Variants in RGS6 observed in about 807,000 individuals in gnomAD.
The protein encoded by RGS6 is regulator of G protein signaling 6.
A neutral mutation model predicts 78.5 loss-of-function variants in RGS6; 30 were observed. That is an observed-to-expected ratio of 0.38 (90% CI 0.29 to 0.52). RGS6 has a LOEUF of 0.52. RGS6 is among the 20% of genes least tolerant of loss of function. RGS6 has a pLI of 0.85. For synonymous variants in RGS6, 206 were observed against 206.0 expected, an observed-to-expected ratio of 1.00 and a Z score of 0.00; for missense variants, 495 against 609.7, an observed-to-expected ratio of 0.81 and a Z score of 1.98.
At chr14:71,976,361 C>T (rs993752203) in intron 2 of RGS6, among the ~76,000 whole-genome samples, 2 of 151,012 alleles carry the variant, frequency 1.3e-5, no homozygotes, top group African/African-American at 4.9e-5. Flanking sequence ...GCTGCACCCA[C>T]TAACTCGTCA....
chr14:72,409,722 C>T (rs531357991), intron 3 of RGS6, among the ~76,000 whole-genome samples: 6 of 152,180 alleles, frequency 3.9e-5, no homozygotes, highest in South Asian at 2.1e-4. Flanking sequence ...TCTCCCCCAA[C>T]CCCACAACAG....
At chr14:72,570,397 G>A (rs1476381942), downstream of RGS6, among the ~76,000 whole-genome samples, 4 of 152,144 alleles carry the variant, frequency 2.6e-5, no homozygotes, top group African/African-American at 9.7e-5. Context: ...AGGAAACAAA[G>A]GGAAGTAATG....
At chr14:72,263,931 G>A (rs920542267) in intron 2 of RGS6, among the ~76,000 whole-genome samples, 2 of 152,188 alleles carry the variant, frequency 1.3e-5, no homozygotes, top group African/African-American at 4.8e-5. Context: ...GGTCAAGTGT[G>A]TTCTGGAACT....
intron 2 of RGS6, among the ~76,000 whole-genome samples, chr14:72,297,883 A>G (rs923554385): frequency 2.2e-4 from 33 of 152,056 alleles, no homozygotes; most frequent in Non-Finnish European, 4.3e-4. Flanking sequence ...GCTATTTTAA[A>G]TAGTATTTTA....
In RGS6 at chr14:72,549,660, A is replaced by G. The variant is rs559615027; in HGVS notation, c.1422+9566A>G. Among the ~76,000 whole-genome samples the G allele has an allele frequency of 5.1e-4, 78 of 152,268 alleles. 1 individual carries two copies. Among genetic ancestry groups the G allele is most frequent in the African/African-American group, 7.0e-4 (29 of 41,534 alleles). On this transcript the variant is annotated intron_variant, in intron 17 of 17. Transcript: ENST00000553525. ...GCAGATCACCTGAGGTCAGGCGTTC[A>G]AGACCAGCCTGGTCAACGTGGTGAA...
intron 2 of RGS6, among the ~76,000 whole-genome samples, chr14:72,174,502 G>A (rs925510998): frequency 1.3e-5 from 2 of 152,208 alleles, no homozygotes; most frequent in African/African-American, 4.8e-5. Context: ...AGCTTGACAA[G>A]AGGGTATCAG....
intron 17 of RGS6, among the ~76,000 whole-genome samples, chr14:72,542,960 G>A (rs774587381): frequency 2.0e-5 from 3 of 152,158 alleles, no homozygotes; most frequent in Non-Finnish European, 2.9e-5. Flanking sequence ...AAGGGGCCTG[G>A]TACTCCCCAG....
At chr14:72,237,407 A>G (rs778303606) in intron 2 of RGS6, among the ~76,000 whole-genome samples, 2 of 152,144 alleles carry the variant, frequency 1.3e-5, no homozygotes, top group Non-Finnish European at 2.9e-5. Context: ...CACAGTAGGT[A>G]CTCAATGAAT....
At chr14:72,459,829 A>G (rs143069048) in intron 6 of RGS6, 146 bp downstream of exon 6, 7 of 773,804 alleles carry the variant, frequency 9.0e-6, no homozygotes, top group Non-Finnish European at 1.3e-5. Flanking sequence ...TTGTTGCTAT[A>G]TAACAAATCT....
intron 3 of RGS6, among the ~76,000 whole-genome samples, chr14:72,383,953 T>C (rs2087044258): frequency 1.3e-5 from 2 of 152,224 alleles, no homozygotes; most frequent in African/African-American, 4.8e-5. Flanking sequence ...ACTGAATTGC[T>C]ACAGTTACTT....
At position 72,564,381 on chromosome 14, in the gene RGS6, G is replaced by C. The variant is rs1218037190; in HGVS notation, c.*1914G>C. On this transcript the variant is annotated 3_prime_UTR_variant, in exon 18 of 18. Coordinates refer to ENST00000553525, the MANE Select transcript of RGS6 (RefSeq NM_001204424.2). The stretch of plus-strand genomic sequence containing the variant: ...ACTTTGGAGGCACTAACCACTTGAT[G>C]AGTAAATCAATGGCATAAAGCCCCA... 1 of 152,252 alleles carries C rather than the reference G, an allele frequency of 6.6e-6. No individual in the cohort carries two copies. Among genetic ancestry groups the C allele is most frequent in the Non-Finnish European group, 1.5e-5 (1 of 68,052 alleles). 9.4% of individuals were successfully genotyped at this position (152,252 alleles called of 1,614,324 possible).
chr14:72,617,415 G>A, the RGS6 span, among the ~76,000 whole-genome samples: 1 of 152,146 alleles, frequency 6.6e-6, no homozygotes, highest in African/African-American at 2.4e-5. Flanking sequence ...CCCTCTGATG[G>A]AATGTCACCC....
chr14:71,942,583 A>C (rs2090787850), intron 1 of RGS6, among the ~76,000 whole-genome samples: 1 of 152,218 alleles, frequency 6.6e-6, no homozygotes, highest in Admixed American at 6.5e-5. Flanking sequence ...AAGTAGCAGC[A>C]TCAGAAGTAA....
intron 2 of RGS6, among the ~76,000 whole-genome samples, chr14:72,043,239 T>C (rs2153384111): frequency 6.6e-6 from 1 of 152,274 alleles, no homozygotes; most frequent in East Asian, 1.9e-4. Flanking sequence ...GTTGAAACTT[T>C]TATTTAGTCA....
At chr14:71,965,750 G>A (rs905463369) in intron 2 of RGS6, among the ~76,000 whole-genome samples, 6 of 152,068 alleles carry the variant, frequency 3.9e-5, no homozygotes, top group Non-Finnish European at 5.9e-5. Flanking sequence ...AAGATAGAGC[G>A]GAGGCTCTAG....
intron 13 of RGS6, among the ~76,000 whole-genome samples, chr14:72,500,434 G>A (rs1413705010): frequency 1.3e-5 from 2 of 152,220 alleles, no homozygotes; most frequent in Non-Finnish European, 2.9e-5. Flanking sequence ...GATGGTTTCT[G>A]TCCACAAAAC....
intron 17 of RGS6, among the ~76,000 whole-genome samples, chr14:72,555,836 T>C (rs1198087405): frequency 6.6e-6 from 1 of 152,206 alleles, no homozygotes; most frequent in Non-Finnish European, 1.5e-5. Context: ...AGACACACAA[T>C]AGTTGCTCAA....
In RGS6 at chr14:71,954,719, T is replaced by C. The variant is rs187391981; in HGVS notation, c.-20-10053T>C. ...CTGCTGATGAGCCCATGGAAAGCCT[T>C]CTTCATTTGTTACAGTGTTTTTGAT... On this transcript the variant is annotated intron_variant, in intron 1 of 17. Coordinates refer to ENST00000553525, the MANE Select transcript of RGS6 (RefSeq NM_001204424.2). Among the ~76,000 whole-genome samples the C allele has an allele frequency of 1.6e-3, 251 of 152,320 alleles. 1 individual carries two copies. Among genetic ancestry groups the C allele is most frequent in the Admixed American group, 3.8e-3 (58 of 15,292 alleles).
rs532033478 is a variant in RGS6, at chr14:72,118,167, A to AC, written c.84+153292_84+153293insC. ...CACCCTCACTGCCATTTAAAAAAAAAAACAACAAAAAACAGGTGTCTGCAG... is the reference window on the plus strand; with the variant it reads ...CACCCTCACTGCCATTTAAAAAAAAACAACAACAAAAAACAGGTGTCTGCAG... On this transcript the variant is annotated intron_variant, in intron 2 of 17. Transcript: ENST00000553525. 2.5e-3 allele frequency among the ~76,000 whole-genome samples: 382 copies of AC among 152,038 alleles called. 1 individual carries two copies. Among genetic ancestry groups the AC allele is most frequent in the African/African-American group, 8.7e-3 (362 of 41,458 alleles).
Sources: allele counts gnomAD v4.1 joint callset (sites outside exome capture counted in the v4.1 genomes callset), GRCh38; gene constraint gnomAD v4.1.1; transcripts MANE v1.5; gene names NCBI Gene and HGNC (gene_info 2026-07-23, HGNC 2026-07-21).